Variants in FGF12 observed in about 807,000 individuals in gnomAD.
FGF12 encodes the protein fibroblast growth factor 12B.
FGF12 carries 14 observed loss-of-function variants against 23.6 expected under a neutral mutation model. The ratio of observed to expected loss-of-function variants is 0.59; its 90% CI spans 0.39 to 0.93. The LOEUF is 0.93. Among genes scored for constraint, FGF12 ranks in the 40% least tolerant of loss-of-function variants. FGF12 has a pLI of 0.00. For synonymous variants in FGF12, 62 were observed against 77.3 expected, an observed-to-expected ratio of 0.80 and a Z score of 1.04; for missense variants, 175 against 217.8, an observed-to-expected ratio of 0.80 and a Z score of 1.24.
At chr3:192,357,117 G>A (rs1354947394) in intron 3 of FGF12, among the ~76,000 whole-genome samples, 2 of 151,978 alleles carry the variant, frequency 1.3e-5, no homozygotes, top group Non-Finnish European at 1.5e-5. Flanking sequence ...GTAGAAGCTG[G>A]GTAAAAAGTA....
intron 2 of FGF12, among the ~76,000 whole-genome samples, chr3:192,690,311 T>C (rs998031745): frequency 4.0e-5 from 6 of 151,708 alleles, no homozygotes; most frequent in Non-Finnish European, 7.4e-5. Flanking sequence ...ACTATAAAGA[T>C]TGAAAGGAAA....
At chr3:192,275,119 G>A (rs1713697718) in intron 4 of FGF12, among the ~76,000 whole-genome samples, 1 of 152,084 alleles carries the variant, frequency 6.6e-6, no homozygotes, top group Non-Finnish European at 1.5e-5. Context: ...TTTATTTATA[G>A]ATAAATAAAA....
At chr3:192,711,858 CTTGT>C (rs2108739932) in intron 2 of FGF12, among the ~76,000 whole-genome samples, 1 of 148,994 alleles carries the variant, frequency 6.7e-6, no homozygotes, top group South Asian at 2.1e-4. Flanking sequence ...CCTTTGTTCA[CTTGT>C]TTATCTGCTG....
At chr3:192,565,385 G>A (rs183339539) in intron 2 of FGF12, among the ~76,000 whole-genome samples, 31 of 152,272 alleles carry the variant, frequency 2.0e-4, no homozygotes, top group African/African-American at 7.2e-4. Context: ...ATGTGAATTC[G>A]CTCATTTTAT....
chr3:192,264,329 A>G (rs1019163295), intron 4 of FGF12, among the ~76,000 whole-genome samples: 1 of 152,052 alleles, frequency 6.6e-6, no homozygotes, highest in Admixed American at 6.6e-5. Flanking sequence ...TAAATAATAC[A>G]ATTGCCTGGG....
At chr3:192,259,916 G>A (rs1712640597) in intron 4 of FGF12, among the ~76,000 whole-genome samples, 1 of 151,966 alleles carries the variant, frequency 6.6e-6, no homozygotes, top group Non-Finnish European at 1.5e-5. Flanking sequence ...CTCGTAGGTG[G>A]GATTATATGT....
chr3:192,231,048 A>G (rs1718992738), intron 4 of FGF12, among the ~76,000 whole-genome samples: 1 of 152,216 alleles, frequency 6.6e-6, no homozygotes, highest in African/African-American at 2.4e-5. Context: ...GCTAAATTTG[A>G]TTAAATGTGA....
chr3:192,646,944 A>G (rs1319157922), intron 2 of FGF12, among the ~76,000 whole-genome samples: 2 of 152,150 alleles, frequency 1.3e-5, no homozygotes, highest in African/African-American at 4.8e-5. Context: ...TATATGACAC[A>G]CTAACATAGA....
chr3:192,347,693 G>A (rs1222269149), intron 3 of FGF12, among the ~76,000 whole-genome samples: 1 of 152,100 alleles, frequency 6.6e-6, no homozygotes, highest in East Asian at 1.9e-4. Flanking sequence ...GTTGGTCTAA[G>A]GCCTAAAAGA....
At chr3:192,669,820 G>A (rs996408343) in intron 2 of FGF12, among the ~76,000 whole-genome samples, 3 of 151,974 alleles carry the variant, frequency 2.0e-5, no homozygotes, top group South Asian at 4.2e-4. Context: ...GTCAACATAC[G>A]AAAGAGCTGC....
At chr3:192,326,135 A>G (rs1268867022) in intron 4 of FGF12, among the ~76,000 whole-genome samples, 1 of 152,204 alleles carries the variant, frequency 6.6e-6, no homozygotes, top group Non-Finnish European at 1.5e-5. Flanking sequence ...ATTAATCTAT[A>G]TTAGATATGA....
chr3:192,397,321 T>C (rs1410133395), intron 2 of FGF12, among the ~76,000 whole-genome samples: 1 of 152,182 alleles, frequency 6.6e-6, no homozygotes, highest in African/African-American at 2.4e-5. Context: ...CAATGAGGAA[T>C]CCTCTCTACT....
intron 2 of FGF12, among the ~76,000 whole-genome samples, chr3:192,597,043 A>T (rs943103326): frequency 2.0e-5 from 3 of 152,190 alleles, no homozygotes; most frequent in Admixed American, 6.5e-5. Flanking sequence ...AAGTATATGT[A>T]TATGTTAAAA....
chr3:192,359,678 T>A (rs942366618), intron 3 of FGF12, among the ~76,000 whole-genome samples: 1 of 152,164 alleles, frequency 6.6e-6, no homozygotes, highest in African/African-American at 2.4e-5. Context: ...ATTCATTTTG[T>A]CATACCGTGA....
At chr3:192,642,692 A>G (rs1016592454) in intron 2 of FGF12, among the ~76,000 whole-genome samples, 2 of 152,254 alleles carry the variant, frequency 1.3e-5, no homozygotes, top group African/African-American at 2.4e-5. Flanking sequence ...CTCAGGAAAG[A>G]TTTCACATAG....
intron 4 of FGF12, among the ~76,000 whole-genome samples, chr3:192,300,558 A>T (rs1715284776): frequency 6.6e-6 from 1 of 152,158 alleles, no homozygotes; most frequent in Admixed American, 6.6e-5. Flanking sequence ...GGCGGTCATG[A>T]GAAGTAAGAG....
intron 2 of FGF12, among the ~76,000 whole-genome samples, chr3:192,367,163 A>G (rs1253588911): frequency 6.6e-6 from 1 of 152,180 alleles, no homozygotes; most frequent in African/African-American, 2.4e-5. Flanking sequence ...CACTAAATAC[A>G]ATTTCACTTT....
rs80227877 is a variant in FGF12 at position 192,162,388 on chromosome 3, C to G, written c.427+8070G>C. Among the ~76,000 whole-genome samples the G allele has an allele frequency of 7.7e-3, 1,167 of 151,730 alleles. 19 individuals carry two copies. Among genetic ancestry groups the G allele is most frequent in the African/African-American group, 0.027 (1,122 of 41,366 alleles). On this transcript the variant is annotated intron_variant, in intron 5 of 5. Coordinates refer to ENST00000445105, the MANE Select transcript of FGF12 (RefSeq NM_004113.6). ...TTGTGAACAAAAGCGTCTGTATGTT[C>G]GTTTAGAAAGAAAGAAAAAGCAATA...
chr3:192,312,590 T>C (rs1345732896), intron 4 of FGF12, among the ~76,000 whole-genome samples: 1 of 152,094 alleles, frequency 6.6e-6, no homozygotes, highest in Non-Finnish European at 1.5e-5. Flanking sequence ...TCTTGGATTA[T>C]ATGTACAATT....
Sources: gnomAD v4.1 joint callset for allele counts (sites outside exome capture counted in the v4.1 genomes callset) on GRCh38, gnomAD v4.1.1 for gene constraint, MANE v1.5 for transcripts, NCBI Gene and HGNC (gene_info 2026-07-23, HGNC 2026-07-21) for gene names.